SCD5: variants seen among roughly 807,000 people sequenced by gnomAD.
The protein encoded by SCD5 is stearoyl-CoA desaturase 5.
Under a neutral mutation model 30.4 loss-of-function variants are expected in SCD5, and 20 were observed. The observed-to-expected ratio is 0.66, with a 90% CI of 0.46 to 0.96. The LOEUF (loss-of-function observed/expected upper bound fraction) is 0.96, where lower values mean the gene tolerates loss of function less well. Among genes scored for constraint, SCD5 ranks in the 40% least tolerant of loss-of-function variants. SCD5 has a pLI of 0.00. For synonymous variants in SCD5, 173 were observed against 176.4 expected (o/e 0.98, Z 0.16); for missense variants, 381 against 443.3 (o/e 0.86, Z 1.26).
rs1309149915 is a variant in SCD5, at chr4:82,649,566, G to A, written c.570-12743C>T. On this transcript the variant is annotated intron_variant, in intron 3 of 4. Coordinates refer to ENST00000319540, the MANE Select transcript of SCD5 (RefSeq NM_001037582.3). ...TGACAGGATTCTGTGGCTGGATTCT[G>A]AATAGAAGGTGAGCTGTGTGTGCCC... Among the ~76,000 whole-genome samples the A allele has an allele frequency of 2.6e-5, 4 of 152,240 alleles. No individual in the cohort carries two copies. In the East Asian group the frequency reaches 7.7e-4, roughly 29 times the overall value.
At chr4:82,668,356 G>A (rs1335297025) in intron 3 of SCD5, among the ~76,000 whole-genome samples, 1 of 152,040 alleles carries the variant, frequency 6.6e-6, no homozygotes, top group Non-Finnish European at 1.5e-5. Context: ...TAGAGAGAGG[G>A]GCCCAGTCAG....
At chr4:82,789,469 G>GTGGGGTC (rs1553920867) in intron 1 of SCD5, among the ~76,000 whole-genome samples, 1 of 152,222 alleles carries the variant, frequency 6.6e-6, no homozygotes, top group Non-Finnish European at 1.5e-5. Flanking sequence ...TAGTGATTCC[G>GTGGGGTC]TGGGGTCGGT....
At chr4:82,746,859 T>G (rs1720994995) in intron 1 of SCD5, among the ~76,000 whole-genome samples, 1 of 151,974 alleles carries the variant, frequency 6.6e-6, no homozygotes, top group Non-Finnish European at 1.5e-5. Flanking sequence ...ACTTTTACAC[T>G]CAAGGGTTGC....
chr4:82,678,473 C>A (rs1037633957), intron 3 of SCD5, among the ~76,000 whole-genome samples: 2 of 152,182 alleles, frequency 1.3e-5, no homozygotes, highest in Non-Finnish European at 2.9e-5. Context: ...AACAGAAAAT[C>A]TTTTGCCTTC....
intron 1 of SCD5, among the ~76,000 whole-genome samples, chr4:82,705,737 CACAT>C (rs1184788746): frequency 6.6e-6 from 1 of 152,240 alleles, no homozygotes; most frequent in Non-Finnish European, 1.5e-5. Flanking sequence ...TTCAATTTCA[CACAT>C]ACACTCTCGG....
At chr4:82,791,836 T>C (rs1277388369) in intron 1 of SCD5, among the ~76,000 whole-genome samples, 1 of 152,170 alleles carries the variant, frequency 6.6e-6, no homozygotes, top group African/African-American at 2.4e-5. Context: ...AACAAAACCA[T>C]GGCTGTGTCA....
At chr4:82,711,295 A>C (rs1720081351) in intron 1 of SCD5, among the ~76,000 whole-genome samples, 1 of 151,774 alleles carries the variant, frequency 6.6e-6, no homozygotes, top group Admixed American at 6.6e-5. Context: ...GACCCCCTAC[A>C]TTTGGCAATG....
At chr4:82,634,162 C>T (rs1293153135) in intron 4 of SCD5, among the ~76,000 whole-genome samples, 1 of 152,174 alleles carries the variant, frequency 6.6e-6, no homozygotes, top group Non-Finnish European at 1.5e-5. Context: ...AGTTGATGGA[C>T]ATTTGTGTTG....
At chr4:82,785,067 CAAGTA>C (rs1386472627) in intron 1 of SCD5, among the ~76,000 whole-genome samples, 1 of 152,180 alleles carries the variant, frequency 6.6e-6, no homozygotes, top group East Asian at 1.9e-4. Flanking sequence ...GGAGCTCTGC[CAAGTA>C]AAGTGCAGAT....
chr4:82,714,230 T>G (rs1490907578), intron 1 of SCD5, among the ~76,000 whole-genome samples: 1 of 152,238 alleles, frequency 6.6e-6, no homozygotes, highest in Non-Finnish European at 1.5e-5. Flanking sequence ...TCCATTTCCC[T>G]ATTCCCCTTT....
intron 1 of SCD5, among the ~76,000 whole-genome samples, chr4:82,741,705 A>C (rs1188445139): frequency 6.6e-6 from 1 of 152,158 alleles, no homozygotes; most frequent in African/African-American, 2.4e-5. Context: ...ATTTTAATTG[A>C]GGCACCAATA....
At chr4:82,768,638 T>C (rs1005364778) in intron 1 of SCD5, among the ~76,000 whole-genome samples, 2 of 152,198 alleles carry the variant, frequency 1.3e-5, no homozygotes, top group Non-Finnish European at 2.9e-5. Flanking sequence ...GTAAGATTAG[T>C]GTCCTGGTTC....
intron 1 of SCD5, among the ~76,000 whole-genome samples, chr4:82,746,182 G>A (rs1720978013): frequency 6.6e-6 from 1 of 152,208 alleles, no homozygotes; most frequent in African/African-American, 2.4e-5. Context: ...GTACCGGAGA[G>A]AAAGTGGGGG....
At chr4:82,791,097 G>C (rs1415803793) in intron 1 of SCD5, among the ~76,000 whole-genome samples, 1 of 152,138 alleles carries the variant, frequency 6.6e-6, no homozygotes, top group Non-Finnish European at 1.5e-5. Context: ...AATTAGCCGG[G>C]CGTGGTGGCA....
At chr4:82,751,916 C>T (rs1439916343) in intron 1 of SCD5, among the ~76,000 whole-genome samples, 5 of 152,210 alleles carry the variant, frequency 3.3e-5, no homozygotes, top group Non-Finnish European at 5.9e-5. Flanking sequence ...TGAGCCACCA[C>T]GCCCAGCCTC....
intron 1 of SCD5, chr4:82,776,188 T>A (rs1315184236): frequency 6.6e-6 from 1 of 152,322 alleles, no homozygotes; most frequent in Non-Finnish European, 1.5e-5. Context: ...ATGTGGAGCG[T>A]ATCTGTGCCA....
chr4:82,632,356 G>A (rs905682072), intron 4 of SCD5, among the ~76,000 whole-genome samples: 6 of 152,186 alleles, frequency 3.9e-5, no homozygotes, highest in East Asian at 1.9e-4. Flanking sequence ...TGCCACAAAC[G>A]ACATGAACTC....
chr4:82,688,232 T>C (rs1294441306), intron 2 of SCD5, among the ~76,000 whole-genome samples: 2 of 152,174 alleles, frequency 1.3e-5, no homozygotes, highest in Admixed American at 6.5e-5. Flanking sequence ...TGTCAACATG[T>C]CAGCTTGAAC....
At chr4:82,690,978 G>A (rs1263937471) in intron 2 of SCD5, among the ~76,000 whole-genome samples, 2 of 151,680 alleles carry the variant, frequency 1.3e-5, no homozygotes, top group African/African-American at 4.9e-5. Flanking sequence ...CTGAACAAAG[G>A]AGGACCTTAA....
Sources: gnomAD v4.1 joint callset for allele counts (sites outside exome capture counted in the v4.1 genomes callset) on GRCh38, gnomAD v4.1.1 for gene constraint, MANE v1.5 for transcripts, NCBI Gene and HGNC (gene_info 2026-07-23, HGNC 2026-07-21) for gene names.